The following UBE2K variants were observed in gnomAD, a reference collection of about 807,000 sequenced individuals.
The protein encoded by UBE2K is ubiquitin-conjugating enzyme E2 K.
Under a neutral mutation model 30.0 loss-of-function variants are expected in UBE2K, and 6 were observed. The observed-to-expected ratio is 0.20, with a 90% confidence interval of 0.11 to 0.39. The LOEUF is 0.39. Ranked by LOEUF, UBE2K falls within the 10% of genes least tolerant of loss-of-function variation. The pLI is 1.00. For missense variants in UBE2K, 61 were observed against 241.6 expected (o/e 0.25, Z 4.96); for synonymous variants, 86 against 83.7 (o/e 1.03, Z -0.15).
chr4:39,742,689 C>T (rs763235474), intron 2 of UBE2K, among the ~76,000 whole-genome samples: 9 of 152,096 alleles, frequency 5.9e-5, no homozygotes, highest in South Asian at 2.1e-4. Context: ...TGCAGTCAGC[C>T]GAGATCGCAC....
chr4:39,739,968 A>G (rs1049900678), intron 2 of UBE2K, among the ~76,000 whole-genome samples: 3 of 152,072 alleles, frequency 2.0e-5, no homozygotes, highest in Admixed American at 6.6e-5. Flanking sequence ...TTAATTTTTT[A>G]TGCTGTTTAT....
rs911816817 is a variant in UBE2K, at chr4:39,774,750, A to G, written c.300-84A>G. The G allele has an allele frequency of 1.1e-5, 8 of 735,624 alleles. No homozygotes were observed. The East Asian group carries it at 1.6e-4, about 15-fold the overall frequency. The allele number at this position is 735,624 out of a possible 1,614,324, so 45.6% of individuals were successfully genotyped here. A position where few individuals can be genotyped will look rare whatever the true frequency, so the allele number is the denominator to read the frequency against. On this transcript the variant is annotated intron_variant, in intron 4 of 6. Coordinates refer to ENST00000261427, the MANE Select transcript of UBE2K (RefSeq NM_005339.5). ...GATCTAAGTAACTTTTAGCTCTACA[A>G]TTTTTTAATTTTTATTAAGAAAATA... is the stretch of plus-strand genomic sequence containing the variant.
chr4:39,761,708 T>G (rs764029930), intron 4 of UBE2K, among the ~76,000 whole-genome samples: 4 of 152,212 alleles, frequency 2.6e-5, no homozygotes, highest in Non-Finnish European at 4.4e-5. Flanking sequence ...CAGTACAATA[T>G]AGATTTGATC....
At chr4:39,750,098 G>T (rs1379799682) in intron 3 of UBE2K, among the ~76,000 whole-genome samples, 1 of 152,102 alleles carries the variant, frequency 6.6e-6, no homozygotes, top group Non-Finnish European at 1.5e-5. Flanking sequence ...GAAGGCTGAG[G>T]CAGGAGAATC....
intron 1 of UBE2K, among the ~76,000 whole-genome samples, chr4:39,717,327 G>A (rs188759032): frequency 8.0e-5 from 12 of 150,802 alleles, no homozygotes; most frequent in Admixed American, 2.7e-4. Context: ...TCCATCTCCC[G>A]TGTTCAAGCA....
chr4:39,737,553 G>A, intron 2 of UBE2K, 40 bp downstream of exon 2: 2 of 1,233,334 alleles, frequency 1.6e-6, no homozygotes, highest in Middle Eastern at 1.9e-4. Flanking sequence ...GTGCGTATTA[G>A]AACTTGTCTG....
chr4:39,732,223 CAG>C (rs1720113742), intron 1 of UBE2K, among the ~76,000 whole-genome samples: 1 of 152,146 alleles, frequency 6.6e-6, no homozygotes, highest in African/African-American at 2.4e-5. Context: ...CCTTAGTTGA[CAG>C]AGGATGAAAC....
chr4:39,774,865 T>C lies in UBE2K; in HGVS notation c.331T>C (p.Leu111=). ...AAAMTLRTVL[L]SLQALLAAAE... ...TGCAATGACTCTCCGCACGGTATTATTGTCATTGCAAGCACTATTGGCAGC... is the reference window on the plus strand; with the variant it reads ...TGCAATGACTCTCCGCACGGTATTACTGTCATTGCAAGCACTATTGGCAGC... Residue 111 remains leucine (L), a synonymous_variant, in exon 5 of 7, where the codon TTG becomes CTG. Transcript: ENST00000261427. The C allele has an allele frequency of 1.2e-6, 2 of 1,601,872 alleles. No homozygotes were observed. The highest frequency in any genetic ancestry group is 2.2e-5 in the East Asian group (1 of 44,506).
intron 1 of UBE2K, among the ~76,000 whole-genome samples, chr4:39,720,760 T>C (rs1458240556): frequency 6.6e-6 from 1 of 152,224 alleles, no homozygotes; most frequent in Non-Finnish European, 1.5e-5. Context: ...TTTTATTTAT[T>C]AGAGACTAGG....
At chr4:39,702,966 C>T (rs1718120047) in intron 1 of UBE2K, among the ~76,000 whole-genome samples, 1 of 152,030 alleles carries the variant, frequency 6.6e-6, no homozygotes, top group Admixed American at 6.6e-5. Flanking sequence ...AAAATGTCCC[C>T]AGACTGCCAT....
intron 5 of UBE2K, among the ~76,000 whole-genome samples, 162 bp downstream of exon 5, chr4:39,775,095 T>C (rs1713207577): frequency 6.6e-6 from 1 of 152,260 alleles, no homozygotes; most frequent in Non-Finnish European, 1.5e-5. Flanking sequence ...ATAGTGAAAA[T>C]AGACTTTTAA....
chr4:39,770,993 C>T lies in UBE2K; in HGVS notation c.300-3841C>T, dbSNP rs1337176705. Reference sequence around the variant, plus strand: ...GCTGGAGGGAGGAGGGACTTGTTGGCGCTGACGCTGCTCACAAGGCTAGCC... The same window carrying T: ...GCTGGAGGGAGGAGGGACTTGTTGGTGCTGACGCTGCTCACAAGGCTAGCC... On this transcript the variant is annotated intron_variant, in intron 4 of 6. Transcript: ENST00000261427. 8.1e-6 allele frequency: 13 copies of T among 1,606,988 alleles called. No individual in the cohort carries two copies. The East Asian group carries it at 2.2e-4, about 28-fold the overall frequency.
At chr4:39,718,848 C>T (rs573707741) in intron 1 of UBE2K, among the ~76,000 whole-genome samples, 30 of 152,374 alleles carry the variant, frequency 2.0e-4, no homozygotes, top group East Asian at 3.9e-4. Flanking sequence ...GGCCTGCAAA[C>T]GCCGTGCGCA....
chr4:39,732,593 T>G (rs568485107), intron 1 of UBE2K, among the ~76,000 whole-genome samples: 1 of 152,150 alleles, frequency 6.6e-6, no homozygotes, highest in Non-Finnish European at 1.5e-5. Flanking sequence ...TTCAACGTTA[T>G]GTGCTATTTT....
rs559556296 is a variant in UBE2K, at chr4:39,701,863, A to G, written c.63+3473A>G. On this transcript the variant is annotated intron_variant, in intron 1 of 6. Coordinates refer to ENST00000261427, the MANE Select transcript of UBE2K (RefSeq NM_005339.5). ...ACAACCTCTGCCTCCCAGGTTCTAG[A>G]GATTCTGCCGCCTTAGCCTCCTGAG... is the stretch of plus-strand genomic sequence containing the variant. 1.6e-4 allele frequency among the ~76,000 whole-genome samples: 24 copies of G among 151,192 alleles called. No homozygotes were observed. The South Asian group carries it at 4.8e-3, about 30-fold the overall frequency.
intron 4 of UBE2K, among the ~76,000 whole-genome samples, chr4:39,758,799 T>G (rs1294834503): frequency 6.6e-6 from 1 of 152,194 alleles, no homozygotes; most frequent in African/African-American, 2.4e-5. Context: ...TATAGCTAGT[T>G]GAAAGATTAT....
intron 4 of UBE2K, among the ~76,000 whole-genome samples, chr4:39,764,043 A>G (rs1183523774): frequency 6.6e-6 from 1 of 152,176 alleles, no homozygotes; most frequent in Non-Finnish European, 1.5e-5. Context: ...CAATTATTGA[A>G]CTAATTTTCT....
intron 1 of UBE2K, among the ~76,000 whole-genome samples, chr4:39,726,480 C>G (rs889717430): frequency 1.3e-5 from 2 of 152,106 alleles, no homozygotes; most frequent in Non-Finnish European, 2.9e-5. Context: ...CTCAGTCTCC[C>G]AAAGTGCTGG....
At chr4:39,748,051 A>G (rs1721071495) in intron 3 of UBE2K, among the ~76,000 whole-genome samples, 1 of 152,140 alleles carries the variant, frequency 6.6e-6, no homozygotes, top group African/African-American at 2.4e-5. Context: ...AAAAAAAGAA[A>G]AGAAAAGGAA....
Sources: gnomAD v4.1 joint callset for allele counts (sites outside exome capture counted in the v4.1 genomes callset) on GRCh38, gnomAD v4.1.1 for gene constraint, MANE v1.5 for transcripts, NCBI Gene and HGNC (gene_info 2026-07-23, HGNC 2026-07-21) for gene names.